The following ITSN1 variants were observed in gnomAD, a reference collection of about 807,000 sequenced individuals.
The protein encoded by ITSN1 is intersectin-1.
ITSN1 carries 58 observed loss-of-function variants against 239.8 expected under a neutral mutation model. That is an observed-to-expected ratio of 0.24 (90% CI 0.20 to 0.30). The LOEUF is 0.30. Among genes scored for constraint, ITSN1 ranks in the 10% least tolerant of loss-of-function variants. The pLI is 1.00. For missense variants in ITSN1, 1,558 were observed against 2,103.3 expected (o/e 0.74, Z 5.07); for synonymous variants, 780 against 770.8 (o/e 1.01, Z -0.20).
chr21:33,686,565 G>C (rs955148055), intron 1 of ITSN1, among the ~76,000 whole-genome samples: 1 of 152,110 alleles, frequency 6.6e-6, no homozygotes, highest in Non-Finnish European at 1.5e-5. Flanking sequence ...CCATTTTCAG[G>C]GTAGAGTTAC....
At chr21:33,730,965 G>A (rs927460949) in intron 4 of ITSN1, among the ~76,000 whole-genome samples, 4 of 152,106 alleles carry the variant, frequency 2.6e-5, no homozygotes, top group African/African-American at 9.7e-5. Flanking sequence ...CAAAGTGCTG[G>A]GATTAGAGGC....
intron 14 of ITSN1, among the ~76,000 whole-genome samples, chr21:33,778,431 A>G (rs1449599130): frequency 2.6e-5 from 4 of 152,116 alleles, no homozygotes; most frequent in Non-Finnish European, 4.4e-5. Context: ...TGAAGACTTA[A>G]TTATAAAATT....
intron 4 of ITSN1, among the ~76,000 whole-genome samples, chr21:33,730,974 G>A (rs773114788): frequency 1.6e-4 from 25 of 152,194 alleles, no homozygotes; most frequent in Non-Finnish European, 3.1e-4. Flanking sequence ...GGGATTAGAG[G>A]CATGAGCCAC....
chr21:33,790,097 C>T (rs1267684082), intron 16 of ITSN1, among the ~76,000 whole-genome samples: 1 of 151,984 alleles, frequency 6.6e-6, no homozygotes, highest in Non-Finnish European at 1.5e-5. Flanking sequence ...ATCAAAGACC[C>T]CTTGAGACTA....
rs182264783 is a variant in ITSN1, at chr21:33,805,499, G to C, written c.2319+3055G>C. ...TGAGGGACCAGTATACACGATTACA[G>C]GGTTGGCTCAAATCTGGCCCAATCA... On this transcript the variant is annotated intron_variant, in intron 20 of 39. Coordinates refer to ENST00000381318, the MANE Select transcript of ITSN1 (RefSeq NM_003024.3). 4.2e-3 allele frequency among the ~76,000 whole-genome samples: 640 copies of C among 152,208 alleles called. 4 individuals are homozygous for C. The highest frequency in any genetic ancestry group is 0.015 in the African/African-American group (617 of 41,510).
At chr21:33,731,556 C>T (rs908005755) in intron 4 of ITSN1, among the ~76,000 whole-genome samples, 5 of 152,088 alleles carry the variant, frequency 3.3e-5, no homozygotes, top group Admixed American at 3.3e-4. Flanking sequence ...AGCATAGATC[C>T]AAAAAAGTCA....
At chr21:33,801,398 T>C (rs1219213647) in intron 19 of ITSN1, among the ~76,000 whole-genome samples, 1 of 152,194 alleles carries the variant, frequency 6.6e-6, no homozygotes, top group Non-Finnish European at 1.5e-5. Context: ...TGTCCCCTTT[T>C]TTCCTAATAG....
At chr21:33,782,821 C>G (rs983526283) in intron 16 of ITSN1, among the ~76,000 whole-genome samples, 1 of 151,786 alleles carries the variant, frequency 6.6e-6, no homozygotes, top group African/African-American at 2.4e-5. Flanking sequence ...GTCAGGAGAT[C>G]GAGACCATCC....
chr21:33,744,142 G>C (rs1368155517), intron 5 of ITSN1, among the ~76,000 whole-genome samples: 1 of 152,200 alleles, frequency 6.6e-6, no homozygotes, highest in Non-Finnish European at 1.5e-5. Context: ...AATTGGATAC[G>C]ATAAAACTTT....
chr21:33,747,118 C>T (rs2067230413), intron 5 of ITSN1, among the ~76,000 whole-genome samples: 1 of 151,962 alleles, frequency 6.6e-6, no homozygotes, highest in Non-Finnish European at 1.5e-5. Context: ...CACGCCACTG[C>T]ACTCCAGCCT....
intron 3 of ITSN1, among the ~76,000 whole-genome samples, chr21:33,722,159 A>G (rs1329565133): frequency 6.6e-6 from 1 of 152,088 alleles, no homozygotes; most frequent in African/African-American, 2.4e-5. Context: ...GTTCTTAATC[A>G]TTGTTATTTA....
rs1285209851 is a variant in ITSN1, at chr21:33,773,076, A to C, written c.1305+753A>C. 2.0e-5 allele frequency among the ~76,000 whole-genome samples: 3 copies of C among 147,468 alleles called. No homozygotes were observed. In the Admixed American group the frequency reaches 2.1e-4, roughly 10 times the overall value. ...GGCTGGAATGCAGTGGCATGATCTC[A>C]GCTCACTGCAACCTCTGCCTCCTGG... On this transcript the variant is annotated intron_variant, in intron 12 of 39. Coordinates refer to ENST00000381318, the MANE Select transcript of ITSN1 (RefSeq NM_003024.3).
rs902654021 is a variant in ITSN1 at position 33,834,238 on chromosome 21, G to A, written c.3352-69G>A. 5 of 1,121,134 alleles carry A rather than the reference G, an allele frequency of 4.5e-6. No individual in the cohort carries two copies. The African/African-American group carries it at 7.7e-5, about 17-fold the overall frequency. The allele number at this position is 1,121,134 out of a possible 1,614,324, so 69.4% of individuals were successfully genotyped here. A position where few individuals can be genotyped will look rare whatever the true frequency, so the allele number is the denominator to read the frequency against. ...TATGTAAGCTTTACATAAGTGCTCT[G>A]TTATAAAGTGAGCTGTATTATAAAA... On this transcript the variant is annotated intron_variant, in intron 27 of 39. Coordinates refer to ENST00000381318, the MANE Select transcript of ITSN1 (RefSeq NM_003024.3).
intron 5 of ITSN1, among the ~76,000 whole-genome samples, chr21:33,735,849 A>G (rs1427439317): frequency 6.6e-6 from 1 of 151,984 alleles, no homozygotes; most frequent in Non-Finnish European, 1.5e-5. Flanking sequence ...CTGAAAATAT[A>G]AAAAATTAGC....
chr21:33,679,978 G>A (rs1338501603), intron 1 of ITSN1, among the ~76,000 whole-genome samples: 2 of 152,116 alleles, frequency 1.3e-5, no homozygotes, highest in Non-Finnish European at 2.9e-5. Flanking sequence ...GATTACAGGC[G>A]TGAGACACCG....
intron 29 of ITSN1, among the ~76,000 whole-genome samples, chr21:33,844,770 G>A (rs536588266): frequency 6.6e-6 from 1 of 152,222 alleles, no homozygotes; most frequent in African/African-American, 2.4e-5. Flanking sequence ...CCTCTCTGGA[G>A]TGTTACCTTG....
chr21:33,653,912 T>C (rs1443470701), intron 1 of ITSN1, among the ~76,000 whole-genome samples: 1 of 152,174 alleles, frequency 6.6e-6, no homozygotes, highest in Non-Finnish European at 1.5e-5. Flanking sequence ...TGTCGCAGCC[T>C]CCCAAAGTGC....
chr21:33,871,101 A>G (rs979080241), intron 33 of ITSN1, among the ~76,000 whole-genome samples: 8 of 152,054 alleles, frequency 5.3e-5, no homozygotes, highest in African/African-American at 1.9e-4. Flanking sequence ...ACAGCACTCC[A>G]GCCTGGGTGA....
At chr21:33,844,376 C>A (rs935033005) in intron 29 of ITSN1, among the ~76,000 whole-genome samples, 8 of 152,194 alleles carry the variant, frequency 5.3e-5, no homozygotes, top group Admixed American at 1.3e-4. Flanking sequence ...TGTTGGCAGG[C>A]CCATGCAGCG....
Sources: gnomAD v4.1 joint callset for allele counts (sites outside exome capture counted in the v4.1 genomes callset) on GRCh38, gnomAD v4.1.1 for gene constraint, MANE v1.5 for transcripts, NCBI Gene and HGNC (gene_info 2026-07-23, HGNC 2026-07-21) for gene names.